Variants in LIMD1 observed in about 807,000 individuals in gnomAD.
LIMD1 encodes the protein LIM domain containing 1.
In LIMD1, 23 loss-of-function variants were observed where a neutral mutation model predicts 58.4. The observed-to-expected ratio is 0.39, with a 90% CI of 0.28 to 0.56. The LOEUF (loss-of-function observed/expected upper bound fraction) is 0.56. Among genes scored for constraint, LIMD1 ranks in the 20% least tolerant of loss-of-function variants. LIMD1 has a pLI of 0.57. For synonymous variants in LIMD1, 334 were observed against 345.5 expected (o/e 0.97, Z 0.37); for missense variants, 838 against 855.5 (o/e 0.98, Z 0.25).
intron 7 of LIMD1, among the ~76,000 whole-genome samples, chr3:45,676,524 A>T (rs1390326340): frequency 6.6e-6 from 1 of 151,612 alleles, no homozygotes; most frequent in African/African-American, 2.4e-5. Flanking sequence ...TCATTGTTCA[A>T]CTCCCACTTA....
At chr3:45,652,867 C>T (rs6801100) in intron 2 of LIMD1, among the ~76,000 whole-genome samples, 42,857 of 151,986 alleles carry the variant, frequency 0.28, 6,570 homozygotes, top group East Asian at 0.54. Flanking sequence ...CTGATCCAGA[C>T]GATAATAGCC....
At chr3:45,596,411 A>T (rs1401587259) in intron 1 of LIMD1, 124 bp downstream of exon 1, 17 of 779,218 alleles carry the variant, frequency 2.2e-5, no homozygotes, top group Admixed American at 3.0e-5. Context: ...CTGTTTTTTT[A>T]TTTTTTTGTT....
At chr3:45,633,623 G>A (rs1051561930) in intron 1 of LIMD1, among the ~76,000 whole-genome samples, 17 of 152,168 alleles carry the variant, frequency 1.1e-4, no homozygotes, top group African/African-American at 3.1e-4. Context: ...ACTTTTCTGC[G>A]TGTTTGAAAA....
chr3:45,677,148 A>T lies in LIMD1; in HGVS notation c.*89A>T, dbSNP rs1036674308. On this transcript the variant is annotated 3_prime_UTR_variant, in exon 8 of 8. Transcript: ENST00000273317. ...GTGGCCCCTGGGGTGGAAGTGGGGTAGGGGAAGAGGAGGGGCAGGAGGGAG... is the reference window on the plus strand; with the variant it reads ...GTGGCCCCTGGGGTGGAAGTGGGGTTGGGGAAGAGGAGGGGCAGGAGGGAG... 1 of 1,470,350 alleles carries T rather than the reference A, an allele frequency of 6.8e-7. No homozygotes were observed. The highest frequency in any genetic ancestry group is 1.8e-5 in the Admixed American group (1 of 56,926). 91.1% of individuals were successfully genotyped at this position (1,470,350 alleles called of 1,614,324 possible).
intron 2 of LIMD1, among the ~76,000 whole-genome samples, chr3:45,655,514 A>G (rs968141193): frequency 2.0e-5 from 3 of 152,314 alleles, no homozygotes; most frequent in African/African-American, 4.8e-5. Context: ...TGGAAGTGCC[A>G]GTTCAGAGAC....
chr3:45,608,369 T>A lies in LIMD1; in HGVS notation c.1408+12082T>A, dbSNP rs140038682. Among the ~76,000 whole-genome samples the A allele has an allele frequency of 9.7e-4, 148 of 152,260 alleles. No homozygotes were observed. In the Middle Eastern group the frequency reaches 0.01, roughly 10 times the overall value. On this transcript the variant is annotated intron_variant, in intron 1 of 7. Coordinates refer to ENST00000273317, the MANE Select transcript of LIMD1 (RefSeq NM_014240.3). Reference sequence around the variant, plus strand: ...TAGGGAGAACTTGCTTCGGACACCTTGTGTGTATGGGCGGGGGCATCGCAG... The same window carrying A: ...TAGGGAGAACTTGCTTCGGACACCTAGTGTGTATGGGCGGGGGCATCGCAG...
chr3:45,606,955 G>A (rs943499242), intron 1 of LIMD1, among the ~76,000 whole-genome samples: 1 of 152,262 alleles, frequency 6.6e-6, no homozygotes, highest in Non-Finnish European at 1.5e-5. Flanking sequence ...CACCTTGGCC[G>A]GCTAATTTCT....
chr3:45,599,334 C>CT (rs11434793), intron 1 of LIMD1, among the ~76,000 whole-genome samples: 140,829 of 152,176 alleles, frequency 0.93, 66,123 homozygotes, highest in East Asian at 1. Context: ...CTGTTTCCCC[C>CT]ATCCCCTCCC....
chr3:45,633,406 C>T (rs773142047), intron 1 of LIMD1, among the ~76,000 whole-genome samples: 16 of 151,848 alleles, frequency 1.1e-4, no homozygotes, highest in Non-Finnish European at 1.8e-4. Flanking sequence ...TGAATTTTAC[C>T]CGGAAAAAAA....
At chr3:45,664,164 C>G (rs1697481747) in intron 2 of LIMD1, among the ~76,000 whole-genome samples, 1 of 152,098 alleles carries the variant, frequency 6.6e-6, no homozygotes, top group African/African-American at 2.4e-5. Flanking sequence ...AGCCACTGTG[C>G]CCGGCCAATT....
chr3:45,651,726 G>A (rs980623542), intron 2 of LIMD1, among the ~76,000 whole-genome samples: 4 of 151,754 alleles, frequency 2.6e-5, no homozygotes, highest in African/African-American at 7.3e-5. Context: ...TCCACCTCCC[G>A]GGTTCAAGCG....
At chr3:45,617,616 C>G (rs267229) in intron 1 of LIMD1, among the ~76,000 whole-genome samples, 141,669 of 152,258 alleles carry the variant, frequency 0.93, 66,733 homozygotes, top group East Asian at 1. Flanking sequence ...TTTGAAGATG[C>G]GAAAACTAAA....
chr3:45,632,559 A>G (rs1160231103), intron 1 of LIMD1: 1 of 984,986 alleles, frequency 1.0e-6, no homozygotes, highest in Non-Finnish European at 1.2e-6. Flanking sequence ...GGTGCCAGGT[A>G]AGGAAGAAAG....
intron 1 of LIMD1, among the ~76,000 whole-genome samples, chr3:45,624,622 CT>C (rs1701653256): frequency 6.6e-6 from 1 of 152,168 alleles, no homozygotes; most frequent in Non-Finnish European, 1.5e-5. Context: ...ACTCAGGAGG[CT>C]GAGGCAGGAG....
intron 2 of LIMD1, among the ~76,000 whole-genome samples, chr3:45,659,212 T>C (rs1037790573): frequency 6.6e-6 from 1 of 152,202 alleles, no homozygotes; most frequent in East Asian, 1.9e-4. Context: ...ACCCACTGTT[T>C]GTTTTTTTCC....
intron 3 of LIMD1, among the ~76,000 whole-genome samples, chr3:45,668,051 C>A (rs1018033581): frequency 6.6e-6 from 1 of 152,194 alleles, no homozygotes; most frequent in Admixed American, 6.5e-5. Flanking sequence ...TAGAGCCTGG[C>A]ATGCTGTGGG....
At chr3:45,602,013 G>C (rs1229373270) in intron 1 of LIMD1, among the ~76,000 whole-genome samples, 23 of 151,548 alleles carry the variant, frequency 1.5e-4, no homozygotes, top group Non-Finnish European at 1.2e-4. Flanking sequence ...CGCGATCTTG[G>C]CTCACTGCAA....
chr3:45,645,754 G>T (rs1701898714), intron 2 of LIMD1, among the ~76,000 whole-genome samples: 1 of 152,120 alleles, frequency 6.6e-6, no homozygotes, highest in Non-Finnish European at 1.5e-5. Context: ...ATCTCACTGA[G>T]GGTATCCCTT....
Position 45,595,557 on chromosome 3 carries a change from C to G in LIMD1, c.678C>G (p.Pro226=), listed in dbSNP as rs545105929. 2 of 1,614,106 alleles carry G rather than the reference C, an allele frequency of 1.2e-6. No homozygotes were observed. The highest frequency in any genetic ancestry group is 1.7e-5 in the Admixed American group (1 of 60,024). ...PPLPKPCGDH[P]LNHRQLSLSS... Reference sequence around the variant, plus strand: ...TGCCCAAACCCTGCGGGGACCATCCCCTAAATCACCGACAGCTCTCCCTGA... The same window carrying G: ...TGCCCAAACCCTGCGGGGACCATCCGCTAAATCACCGACAGCTCTCCCTGA... Residue 226 remains proline (P), a synonymous_variant, in exon 1 of 8, where the codon CCC becomes CCG. Coordinates refer to ENST00000273317, the MANE Select transcript of LIMD1 (RefSeq NM_014240.3).
Sources: gnomAD v4.1 joint callset for allele counts (sites outside exome capture counted in the v4.1 genomes callset) on GRCh38, gnomAD v4.1.1 for gene constraint, MANE v1.5 for transcripts, NCBI Gene and HGNC (gene_info 2026-07-23, HGNC 2026-07-21) for gene names.